Variants in NTNG2 observed in about 807,000 individuals in gnomAD.
NTNG2 encodes netrin G2.
Under a neutral mutation model 47.6 loss-of-function variants are expected in NTNG2, and 15 were observed. The observed-to-expected ratio is 0.32, with a 90% CI of 0.21 to 0.49. The LOEUF is 0.49. Among genes scored for constraint, NTNG2 ranks in the 20% least tolerant of loss-of-function variants. The pLI is 0.99. For missense variants in NTNG2, 578 were observed against 764.6 expected (o/e 0.76, Z 2.88); for synonymous variants, 307 against 324.6 (o/e 0.95, Z 0.58).
rs1276936852 is a variant in NTNG2, at chr9:132,162,351, G to C, written c.-484+112G>C. On this transcript the variant is annotated intron_variant, in intron 1 of 7. Coordinates refer to ENST00000393229, the MANE Select transcript of NTNG2 (RefSeq NM_032536.4). The surrounding 1 kb of genome is among the most constrained non-coding windows in gnomAD (Gnocchi z 4.6). The stretch of plus-strand genomic sequence containing the variant: ...TGACCATGCAGGCTTGCCCGGGCCC[G>C]GGAGCCACTTACAGCGGCCCGGCAA... The C allele has an allele frequency of 2.0e-5, 3 of 152,186 alleles. No homozygotes were observed. The highest frequency in any genetic ancestry group is 2.9e-5 in the Non-Finnish European group (2 of 68,036). 9.4% of individuals were successfully genotyped at this position (152,186 alleles called of 1,614,324 possible).
intron 2 of NTNG2, among the ~76,000 whole-genome samples, chr9:132,188,548 G>A (rs1187854914): frequency 6.6e-5 from 10 of 152,228 alleles, no homozygotes; most frequent in Admixed American, 5.2e-4. Context: ...CCTGAGGATC[G>A]CACTCTCCAG....
rs1434718923 is a variant in NTNG2 at position 132,182,617 on chromosome 9, C to G, written c.214-15349C>G. Among the ~76,000 whole-genome samples the G allele has an allele frequency of 1.3e-5, 2 of 152,210 alleles. No individual in the cohort carries two copies. Among genetic ancestry groups the G allele is most frequent in the Non-Finnish European group, 1.5e-5 (1 of 68,032 alleles). On this transcript the variant is annotated intron_variant, in intron 2 of 7. Transcript: ENST00000393229. This position sits in a 1 kb window ranked among gnomAD's most constrained non-coding sequence, Gnocchi z 4.2. ...GACTAGCCGTGATGCCCAGGACCTT[C>G]CCCCAAGGGGCTCAGGCATCAGCTG...
At chr9:132,228,184 G>A (rs576474063) in intron 4 of NTNG2, among the ~76,000 whole-genome samples, 14 of 152,360 alleles carry the variant, frequency 9.2e-5, no homozygotes, top group African/African-American at 2.6e-4. Flanking sequence ...CTCCCTCGAC[G>A]GGTGAAAGAT....
intron 2 of NTNG2, among the ~76,000 whole-genome samples, chr9:132,181,604 C>T (rs10114567): frequency 0.32 from 48,293 of 152,148 alleles, 7,809 homozygotes; most frequent in Non-Finnish European, 0.34. Context: ...CGTGAGCCAC[C>T]GTGCCTGGCC....
chr9:132,239,051 G>A (rs763528399), intron 5 of NTNG2, 53 bp from the exon 6 acceptor site: 3 of 1,581,688 alleles, frequency 1.9e-6, no homozygotes, highest in Non-Finnish European at 2.6e-6. Context: ...CTGTCCCTCA[G>A]TTTCCCTGAA....
At position 132,198,219 on chromosome 9, in the gene NTNG2, A is replaced by T; in HGVS notation, c.467A>T (p.Asp156Val). 6.2e-7 allele frequency: 1 copy of T among 1,613,328 alleles called. No individual in the cohort carries two copies. Reference sequence around the variant, plus strand: ...GTCATGGTCCTGGAGAAGTCCCTGGACAACGGGCGCACCTGGCAGCCCTAC... The same window carrying T: ...GTCATGGTCCTGGAGAAGTCCCTGGTCAACGGGCGCACCTGGCAGCCCTAC... ...PTVMVLEKSLDNGRTWQPYQF... is the reference protein window; with the variant it reads ...PTVMVLEKSLVNGRTWQPYQF... Residue 156 changes from aspartate (D) to valine (V), a missense_variant, in exon 3 of 8, where the codon GAC becomes GTC. Transcript: ENST00000393229.
In NTNG2 at chr9:132,197,670, C is replaced by G. The variant is rs976526083; in HGVS notation, c.214-296C>G. ...AGTCAGGACTCTGTATTCCAGGCAA[C>G]GGGGAGCCATGGAGGGCTTCAAAGC... On this transcript the variant is annotated intron_variant, in intron 2 of 7. Transcript: ENST00000393229. The surrounding 1 kb of genome is among the most constrained non-coding windows in gnomAD (Gnocchi z 4.3). Among the ~76,000 whole-genome samples, 10 of 152,070 alleles carry G rather than the reference C, an allele frequency of 6.6e-5. No individual in the cohort carries two copies. The highest frequency in any genetic ancestry group is 1.3e-4 in the Non-Finnish European group (9 of 68,020).
At chr9:132,179,613 A>G (rs1213104167) in intron 2 of NTNG2, among the ~76,000 whole-genome samples, 2 of 152,192 alleles carry the variant, frequency 1.3e-5, no homozygotes, top group Non-Finnish European at 2.9e-5. Flanking sequence ...ACTGGGGCAC[A>G]CGTGCTTCCG....
At chr9:132,228,014 C>T (rs961448686) in intron 4 of NTNG2, among the ~76,000 whole-genome samples, 3 of 152,210 alleles carry the variant, frequency 2.0e-5, no homozygotes, top group Non-Finnish European at 4.4e-5. Flanking sequence ...GTCCTTATTA[C>T]GGTCCCTTCT....
chr9:132,176,454 T>C (rs1836467764), intron 2 of NTNG2, among the ~76,000 whole-genome samples: 1 of 152,222 alleles, frequency 6.6e-6, no homozygotes, highest in Non-Finnish European at 1.5e-5. Context: ...TGAGGCTCTT[T>C]GTGATGGCCT....
intron 2 of NTNG2, among the ~76,000 whole-genome samples, chr9:132,175,155 CAGAG>C (rs1191441478): frequency 1.3e-5 from 2 of 151,990 alleles, no homozygotes; most frequent in East Asian, 1.9e-4. Flanking sequence ...GTGTGGGTGA[CAGAG>C]AGGAGACAGT....
chr9:132,184,689 C>T (rs942108173), intron 2 of NTNG2, among the ~76,000 whole-genome samples: 3 of 152,116 alleles, frequency 2.0e-5, no homozygotes, highest in Admixed American at 1.3e-4. Context: ...TTTGGGAGGC[C>T]GAGGCGGGTG....
At chr9:132,164,909 C>A in intron 1 of NTNG2, among the ~76,000 whole-genome samples, 1 of 152,322 alleles carries the variant, frequency 6.6e-6, no homozygotes, top group South Asian at 2.1e-4. Flanking sequence ...AGCAAGTGTC[C>A]GCCACTTCGG....
chr9:132,226,833 C>G lies in NTNG2; in HGVS notation c.858-16C>G. ...ACAAGCTCTCTGACATCTCTGCCCT[C>G]TCGGTGTCTCCCCAGGTGCAAGTGC... On this transcript the variant is annotated splice_polypyrimidine_tract_variant and intron_variant, in intron 3 of 7. Transcript: ENST00000393229. The surrounding 1 kb of genome is among the most constrained non-coding windows in gnomAD (Gnocchi z 4.8). 1 of 1,578,252 alleles carries G rather than the reference C, an allele frequency of 6.3e-7. No individual in the cohort carries two copies. The highest frequency in any genetic ancestry group is 8.6e-7 in the Non-Finnish European group (1 of 1,161,366).
chr9:132,241,801 C>A (rs1842006617), intron 7 of NTNG2, 75 bp from the exon 8 acceptor site: 1 of 1,185,924 alleles, frequency 8.4e-7, no homozygotes, highest in South Asian at 1.5e-5. Flanking sequence ...TCTCGCACAC[C>A]CTGCTTCGCA....
intron 2 of NTNG2, among the ~76,000 whole-genome samples, chr9:132,186,836 G>A (rs1481215795): frequency 2.0e-5 from 3 of 152,258 alleles, no homozygotes; most frequent in Non-Finnish European, 4.4e-5. Flanking sequence ...CGCTCAGTTA[G>A]GGAATGTTTG....
intron 6 of NTNG2, among the ~76,000 whole-genome samples, chr9:132,240,456 C>G (rs1433668392): frequency 6.6e-6 from 1 of 152,362 alleles, no homozygotes; most frequent in African/African-American, 2.4e-5. Context: ...GGGCCCACCC[C>G]GGGAGCAGGA....
intron 3 of NTNG2, among the ~76,000 whole-genome samples, chr9:132,224,029 C>T (rs1291808319): frequency 3.3e-5 from 5 of 151,746 alleles, no homozygotes; most frequent in Non-Finnish European, 7.4e-5. Flanking sequence ...AACTCTTGAT[C>T]CTCCTTCAGG....
In NTNG2 at chr9:132,197,849, C is replaced by A; in HGVS notation, c.214-117C>A. 1 of 936,238 alleles carries A rather than the reference C, an allele frequency of 1.1e-6. No homozygotes were observed. Among genetic ancestry groups the A allele is most frequent in the South Asian group, 1.7e-5 (1 of 58,284 alleles). 58.0% of individuals were successfully genotyped at this position (936,238 alleles called of 1,614,324 possible). A position where few individuals can be genotyped will look rare whatever the true frequency, so the allele number is the denominator to read the frequency against. On this transcript the variant is annotated intron_variant, in intron 2 of 7. Transcript: ENST00000393229. This position sits in a 1 kb window ranked among gnomAD's most constrained non-coding sequence, Gnocchi z 4.3. Reference sequence around the variant, plus strand: ...TGTGTCTGGGCACCGGAGCACAGGCCCTGTAGCCACAGAGCAGGTTTCTCG... The same window carrying A: ...TGTGTCTGGGCACCGGAGCACAGGCACTGTAGCCACAGAGCAGGTTTCTCG...
Sources: allele counts gnomAD v4.1 joint callset (sites outside exome capture counted in the v4.1 genomes callset), GRCh38; gene constraint gnomAD v4.1.1; non-coding constraint Gnocchi (gnomAD v3.1); transcripts MANE v1.5; gene names NCBI Gene and HGNC (gene_info 2026-07-23, HGNC 2026-07-21).